TNNI3K: variants seen among roughly 807,000 people sequenced by gnomAD.
TNNI3K encodes serine/threonine-protein kinase TNNI3K.
TNNI3K carries 140 observed loss-of-function variants against 114.5 expected under a neutral mutation model. The observed-to-expected ratio is 1.22, with a 90% CI of 1.07 to 1.41. The LOEUF (loss-of-function observed/expected upper bound fraction) is 1.41, where lower values mean the gene tolerates loss of function less well. Among genes scored for constraint, TNNI3K ranks in the 40% most tolerant of loss-of-function variants. The pLI is 0.00. For missense variants in TNNI3K, 1,125 were observed against 1,007.6 expected (o/e 1.12, Z -1.58); for synonymous variants, 347 against 347.5 (o/e 1.00, Z 0.02).
rs2100418002 is a variant in TNNI3K, at chr1:74,522,831, T to C, written c.2352-17403T>C. ...TTAGCCCCTGGCTTTATGGAAACTT[T>C]ACCTGTAGAAGGAATTCAAGATTAA... On this transcript the variant is annotated intron_variant, in intron 23 of 24. Coordinates refer to ENST00000326637, the MANE Select transcript of TNNI3K (RefSeq NM_015978.3). 1.3e-5 allele frequency among the ~76,000 whole-genome samples: 2 copies of C among 152,344 alleles called. 1 individual carries two copies. The highest frequency in any genetic ancestry group is 4.1e-4 in the South Asian group (2 of 4,832).
intron 5 of TNNI3K, among the ~76,000 whole-genome samples, chr1:74,289,033 T>C (rs1365882342): frequency 6.6e-6 from 1 of 150,556 alleles, no homozygotes; most frequent in African/African-American, 2.4e-5. Context: ...AAGGATTACA[T>C]CTTCATCTTC....
chr1:74,281,658 G>A (rs1657023517), intron 5 of TNNI3K, among the ~76,000 whole-genome samples: 1 of 151,676 alleles, frequency 6.6e-6, no homozygotes, highest in African/African-American at 2.4e-5. Flanking sequence ...TTTATTCCCA[G>A]GTATTTTATC....
chr1:74,342,178 C>T (rs1257112794), intron 7 of TNNI3K, among the ~76,000 whole-genome samples: 1 of 152,028 alleles, frequency 6.6e-6, no homozygotes, highest in Non-Finnish European at 1.5e-5. Context: ...ATTACCCAGA[C>T]GTGAGAAGAG....
intron 20 of TNNI3K, among the ~76,000 whole-genome samples, chr1:74,443,872 CG>C (rs1176357114): frequency 1.3e-5 from 2 of 152,088 alleles, no homozygotes; most frequent in Non-Finnish European, 2.9e-5. Context: ...AATCAATAAA[CG>C]TAATTCATCA....
At chr1:74,249,653 C>A in intron 3 of TNNI3K, 109 bp downstream of exon 3, 2 of 1,107,252 alleles carry the variant, frequency 1.8e-6, no homozygotes, top group Non-Finnish European at 2.5e-6. Flanking sequence ...TCAATTTTCC[C>A]TTCTGCTTTG....
intron 23 of TNNI3K, among the ~76,000 whole-genome samples, chr1:74,521,811 C>T (rs1056048632): frequency 3.9e-5 from 6 of 152,182 alleles, no homozygotes; most frequent in African/African-American, 1.4e-4. Context: ...GCTATTTCTA[C>T]TGAAATGTTA....
chr1:74,461,680 T>C (rs1667462425), intron 20 of TNNI3K, among the ~76,000 whole-genome samples: 1 of 152,180 alleles, frequency 6.6e-6, no homozygotes, highest in Non-Finnish European at 1.5e-5. Flanking sequence ...CTGGTGCAGA[T>C]GTATTGATAA....
At chr1:74,482,603 C>T (rs1414477950) in intron 21 of TNNI3K, among the ~76,000 whole-genome samples, 6 of 152,162 alleles carry the variant, frequency 3.9e-5, no homozygotes, top group South Asian at 4.1e-4. Flanking sequence ...TCCACTCTGT[C>T]GTAACTCAAG....
chr1:74,250,437 T>TA (rs1002908661), intron 3 of TNNI3K, among the ~76,000 whole-genome samples: 2 of 152,210 alleles, frequency 1.3e-5, no homozygotes, highest in East Asian at 1.9e-4. Flanking sequence ...GGGTACTAAA[T>TA]AAAAAATCTA....
intron 5 of TNNI3K, among the ~76,000 whole-genome samples, chr1:74,324,472 G>T (rs979263424): frequency 1.3e-5 from 2 of 152,178 alleles, no homozygotes; most frequent in African/African-American, 2.4e-5. Context: ...CTGCTCAATA[G>T]GACTTTCTGC....
chr1:74,534,231 C>A (rs1035358139), intron 23 of TNNI3K, among the ~76,000 whole-genome samples: 2 of 152,044 alleles, frequency 1.3e-5, no homozygotes, highest in Non-Finnish European at 2.9e-5. Context: ...TCTTAACTTT[C>A]AAGCCATGTA....
chr1:74,418,099 A>G (rs936516679), intron 17 of TNNI3K: 3 of 413,168 alleles, frequency 7.3e-6, no homozygotes, highest in Non-Finnish European at 1.4e-5. Context: ...ACAAGTAAAC[A>G]TGTTATATGG....
At chr1:74,351,485 C>T (rs1183738882) in intron 9 of TNNI3K, among the ~76,000 whole-genome samples, 1 of 152,066 alleles carries the variant, frequency 6.6e-6, no homozygotes, top group Non-Finnish European at 1.5e-5. Flanking sequence ...GTGGCGTTCT[C>T]TGTATTTCCT....
intron 5 of TNNI3K, among the ~76,000 whole-genome samples, chr1:74,300,821 C>T (rs142736656): frequency 9.3e-4 from 142 of 152,178 alleles, no homozygotes; most frequent in African/African-American, 3.3e-3. Context: ...ATCTGGCTAG[C>T]CTTGGGTGGG....
At chr1:74,542,541 GGTGA>G (rs1468361175) in intron 24 of TNNI3K, among the ~76,000 whole-genome samples, 1 of 152,166 alleles carries the variant, frequency 6.6e-6, no homozygotes, top group Non-Finnish European at 1.5e-5. Context: ...TCCCAAAAGA[GGTGA>G]GTGAGAGAGA....
rs1437575287 is a variant in TNNI3K, at chr1:74,292,898, GT to G, written c.444+21193del. Among the ~76,000 whole-genome samples, 6 of 151,556 alleles carry G rather than the reference GT, an allele frequency of 4.0e-5. No individual in the cohort carries two copies. The East Asian group carries it at 1.2e-3, about 29-fold the overall frequency. ...GATATAAAATTTAACATGGTTTATA[GT>G]TTCCCAGGGTGAATTAATGAATACA... On this transcript the variant is annotated intron_variant, in intron 5 of 24. Transcript: ENST00000326637.
chr1:74,240,614 A>G (rs1236188307), intron 2 of TNNI3K: 3 of 152,176 alleles, frequency 2.0e-5, no homozygotes, highest in African/African-American at 4.8e-5. Context: ...GTGACTTCAA[A>G]TGTTTTCAAT....
chr1:74,311,606 A>T (rs1482777008), intron 5 of TNNI3K, among the ~76,000 whole-genome samples: 1 of 152,206 alleles, frequency 6.6e-6, no homozygotes, highest in African/African-American at 2.4e-5. Flanking sequence ...TCATGAAGGT[A>T]TCAAGAACAG....
intron 9 of TNNI3K, among the ~76,000 whole-genome samples, chr1:74,347,449 C>T (rs1245846857): frequency 4.0e-5 from 6 of 151,856 alleles, no homozygotes; most frequent in Middle Eastern, 3.2e-3. Flanking sequence ...TGAATAGTGC[C>T]GCAATAAACA....
Sources: gnomAD v4.1 joint callset for allele counts (sites outside exome capture counted in the v4.1 genomes callset) on GRCh38, gnomAD v4.1.1 for gene constraint, MANE v1.5 for transcripts, NCBI Gene and HGNC (gene_info 2026-07-23, HGNC 2026-07-21) for gene names.